Variants in PTPN13 observed in about 807,000 individuals in gnomAD.
The protein encoded by PTPN13 is protein tyrosine phosphatase non-receptor type 13, also known as tyrosine-protein phosphatase non-receptor type 13.
In PTPN13, 191 loss-of-function variants were observed where a neutral mutation model predicts 284.0. That is an observed-to-expected ratio of 0.67 (90% confidence interval 0.60 to 0.76). The LOEUF (loss-of-function observed/expected upper bound fraction) is 0.76, where lower values mean the gene tolerates loss of function less well. Ranked by LOEUF, PTPN13 falls within the 30% of genes least tolerant of loss-of-function variation. The pLI is 0.00. For missense variants in PTPN13, 2,797 were observed against 2,939.9 expected (o/e 0.95, Z 1.12); for synonymous variants, 986 against 1,022.3 (o/e 0.96, Z 0.68).
chr4:86,775,249 T>A lies in PTPN13; in HGVS notation c.5587T>A (p.Leu1863Ile). 1 of 1,613,328 alleles carries A rather than the reference T, an allele frequency of 6.2e-7. No homozygotes were observed. The highest frequency in any genetic ancestry group is 8.5e-7 in the Non-Finnish European group (1 of 1,179,326). ...CCGGGCTGCATCCAAAACAGTCAGA[T>A]TAGTTATTGGACGAGTTCTAGAATT... Reference protein sequence around the residue: ...LLRAASKTVRLVIGRVLELPR... With the variant: ...LLRAASKTVRIVIGRVLELPR... Residue 1863 changes from leucine (L) to isoleucine (I), a missense_variant, in exon 34 of 48, where the codon TTA becomes ATA. Leu to Ile is a conservative substitution (Grantham distance 5, BLOSUM62 2). Transcript: ENST00000411767.
intron 35 of PTPN13, among the ~76,000 whole-genome samples, chr4:86,776,840 A>C (rs1248954618): frequency 6.6e-6 from 1 of 152,256 alleles, no homozygotes; most frequent in Non-Finnish European, 1.5e-5. Context: ...TATTCAAAGT[A>C]TGGTTTCTAC....
At chr4:86,680,395 A>ATCTATC (rs1554306600) in intron 3 of PTPN13, among the ~76,000 whole-genome samples, 36 of 135,310 alleles carry the variant, frequency 2.7e-4, no homozygotes, top group South Asian at 7.3e-4. Context: ...CTATCTATCT[A>ATCTATC]TCTATCTCTA....
At chr4:86,793,075 A>C (rs1370431581) in intron 40 of PTPN13, among the ~76,000 whole-genome samples, 1 of 152,226 alleles carries the variant, frequency 6.6e-6, no homozygotes, top group African/African-American at 2.4e-5. Context: ...AATTGGATAA[A>C]GAGTCAAGAC....
intron 3 of PTPN13, among the ~76,000 whole-genome samples, chr4:86,673,469 G>A (rs1727938569): frequency 6.6e-6 from 1 of 152,192 alleles, no homozygotes; most frequent in Non-Finnish European, 1.5e-5. Flanking sequence ...GGTTAGACTG[G>A]CTAGGCTAGA....
intron 42 of PTPN13, 111 bp downstream of exon 42, chr4:86,799,315 TGC>T (rs1743716051): frequency 6.4e-6 from 4 of 627,702 alleles, no homozygotes; most frequent in Non-Finnish European, 4.9e-6. Flanking sequence ...ATACATTATT[TGC>T]TTTTTTTTTT....
chr4:86,741,859 T>C (rs781164205), intron 16 of PTPN13, 43 bp downstream of exon 16: 37 of 1,492,342 alleles, frequency 2.5e-5, no homozygotes, highest in Middle Eastern at 1.7e-4. Flanking sequence ...TCAAATGATA[T>C]TACCAACTTC....
chr4:86,651,978 G>A (rs990137402), intron 2 of PTPN13, among the ~76,000 whole-genome samples: 33 of 152,284 alleles, frequency 2.2e-4, no homozygotes, highest in African/African-American at 7.9e-4. Context: ...ACAGGAGGCT[G>A]AGGCAGGAGA....
At chr4:86,804,394 T>C (rs1744427081) in intron 43 of PTPN13, among the ~76,000 whole-genome samples, 1 of 152,224 alleles carries the variant, frequency 6.6e-6, no homozygotes, top group Admixed American at 6.5e-5. Flanking sequence ...TCCTAAGCTT[T>C]GTAGCCACTA....
chr4:86,717,749 A>G (rs1733195417), intron 9 of PTPN13, among the ~76,000 whole-genome samples: 2 of 152,168 alleles, frequency 1.3e-5, no homozygotes, highest in African/African-American at 4.8e-5. Flanking sequence ...CTTGATTTCT[A>G]AGATACCTTT....
At chr4:86,720,845 C>T (rs1490293324) in intron 9 of PTPN13, among the ~76,000 whole-genome samples, 2 of 152,058 alleles carry the variant, frequency 1.3e-5, no homozygotes, top group Admixed American at 1.3e-4. Flanking sequence ...GGGAGATTAA[C>T]AGGAAATTAT....
Position 86,759,042 on chromosome 4 carries a change from T to C in PTPN13, c.3522T>C (p.Val1174=). 1 of 1,613,604 alleles carries C rather than the reference T, an allele frequency of 6.2e-7. No individual in the cohort carries two copies. Among genetic ancestry groups the C allele is most frequent in the Non-Finnish European group, 8.5e-7 (1 of 1,179,644 alleles). The change falls in exon 23 of 48, where the codon GTT becomes GTC. Residue 1174 remains valine, a synonymous_variant. Transcript: ENST00000411767. Reference sequence around the variant, plus strand: ...ATGCACCTGAAGATGTGACACTTGTTATCTCTCAGCCAAAAGAAAAGATAT... The same window carrying C: ...ATGCACCTGAAGATGTGACACTTGTCATCTCTCAGCCAAAAGAAAAGATAT... ...LQNAPEDVTL[V]ISQPKEKISK...
intron 42 of PTPN13, among the ~76,000 whole-genome samples, chr4:86,803,064 CTGTGTGTGTGTG>C (rs143647187): frequency 9.5e-5 from 13 of 136,154 alleles, no homozygotes; most frequent in East Asian, 8.5e-4. Context: ...CAGAATAAGA[CTGTGTGTGTGTG>C]TGTGTGTGTG....
At position 86,778,907 on chromosome 4, in the gene PTPN13, T is replaced by A. The variant is rs976592745; in HGVS notation, c.5892-1495T>A. Among the ~76,000 whole-genome samples the A allele has an allele frequency of 9.3e-5, 14 of 151,340 alleles. No homozygotes were observed. The Middle Eastern group carries it at 0.014, about 147-fold the overall frequency. ...AACTGATAGTTGGAGCATTTTTTTT[T>A]ATTTTTTTAATAAAAATGAGTTGGA... On this transcript the variant is annotated intron_variant, in intron 35 of 47. Coordinates refer to ENST00000411767, the MANE Select transcript of PTPN13 (RefSeq NM_080683.3).
chr4:86,722,203 T>C lies in PTPN13; in HGVS notation c.1386-9T>C. On this transcript the variant is annotated splice_polypyrimidine_tract_variant and intron_variant, in intron 9 of 47. Transcript: ENST00000411767. ...CCCAATCCTCACCTGTCTCCTCTTT[T>C]CTATATAGCAGACAATATGAAACAC... is the stretch of plus-strand genomic sequence containing the variant. 1 of 1,599,056 alleles carries C rather than the reference T, an allele frequency of 6.3e-7. No individual in the cohort carries two copies. Among genetic ancestry groups the C allele is most frequent in the Non-Finnish European group, 8.6e-7 (1 of 1,166,612 alleles).
intron 2 of PTPN13, among the ~76,000 whole-genome samples, chr4:86,662,092 A>G (rs1243102434): frequency 6.6e-6 from 1 of 152,176 alleles, no homozygotes; most frequent in Non-Finnish European, 1.5e-5. Context: ...TTTGTCTGGC[A>G]AAATGTAATG....
chr4:86,620,475 A>G (rs1482536515), intron 1 of PTPN13, among the ~76,000 whole-genome samples: 2 of 152,198 alleles, frequency 1.3e-5, no homozygotes, highest in African/African-American at 4.8e-5. Context: ...TATTCTTAAG[A>G]AAAAATAGGT....
At position 86,623,461 on chromosome 4, in the gene PTPN13, C is replaced by T. The variant is rs117989223; in HGVS notation, c.-5-11791C>T. 7.2e-5 allele frequency among the ~76,000 whole-genome samples: 11 copies of T among 152,284 alleles called. No individual in the cohort carries two copies. The East Asian group carries it at 2.1e-3, about 29-fold the overall frequency. ...ATTCCTTAATCCAATTAAGCTGACACCTAAAATTAAATCCACAAGTCTACT... is the reference window on the plus strand; with the variant it reads ...ATTCCTTAATCCAATTAAGCTGACATCTAAAATTAAATCCACAAGTCTACT... On this transcript the variant is annotated intron_variant, in intron 1 of 47. Transcript: ENST00000411767.
chr4:86,617,937 C>A (rs1475255577), intron 1 of PTPN13, among the ~76,000 whole-genome samples: 3 of 151,480 alleles, frequency 2.0e-5, no homozygotes, highest in South Asian at 4.2e-4. Flanking sequence ...TAATTAGATC[C>A]CATTTGTCAA....
At chr4:86,802,933 G>A (rs1410444217) in intron 42 of PTPN13, among the ~76,000 whole-genome samples, 1 of 151,742 alleles carries the variant, frequency 6.6e-6, no homozygotes, top group Non-Finnish European at 1.5e-5. Flanking sequence ...AATTACCCAG[G>A]CGTGGTGGTG....
Sources: allele counts gnomAD v4.1 joint callset (sites outside exome capture counted in the v4.1 genomes callset), GRCh38; gene constraint gnomAD v4.1.1; transcripts MANE v1.5; gene names NCBI Gene and HGNC (gene_info 2026-07-23, HGNC 2026-07-21).